Variants in PPP1R37 observed in about 807,000 individuals in gnomAD.
PPP1R37 encodes leucine rich repeat containing 68.
In PPP1R37, 21 loss-of-function variants were observed where a neutral mutation model predicts 61.0. The ratio of observed to expected loss-of-function variants is 0.34; its 90% CI spans 0.24 to 0.50. The LOEUF (loss-of-function observed/expected upper bound fraction) is 0.50, where lower values mean the gene tolerates loss of function less well. PPP1R37 is among the 20% of genes least tolerant of loss of function. The probability of loss-of-function intolerance (pLI) is 0.98; values close to 1 mark genes in which losing one functional copy is unlikely to be tolerated. For synonymous variants in PPP1R37, 443 were observed against 433.5 expected (o/e 1.02, Z -0.27); for missense variants, 910 against 952.7 (o/e 0.96, Z 0.59).
At chr19:45,127,689 T>C (rs1163596589) in intron 1 of PPP1R37, among the ~76,000 whole-genome samples, 1 of 151,864 alleles carries the variant, frequency 6.6e-6, no homozygotes, top group Non-Finnish European at 1.5e-5. Context: ...AAATGATCAA[T>C]GTTTGGGCCG....
At chr19:45,126,274 T>A (rs994270353) in intron 1 of PPP1R37, among the ~76,000 whole-genome samples, 5 of 152,206 alleles carry the variant, frequency 3.3e-5, no homozygotes, top group African/African-American at 1.2e-4. Context: ...TGGCAGCAAC[T>A]GTAACATACG....
intron 1 of PPP1R37, among the ~76,000 whole-genome samples, chr19:45,104,620 G>C (rs1023645083): frequency 7.9e-5 from 12 of 151,998 alleles, no homozygotes; most frequent in African/African-American, 2.9e-4. Context: ...CCACCTAGCA[G>C]CCACAGCATT....
At position 45,145,974 on chromosome 19, in the gene PPP1R37, G is replaced by A. The variant is rs931840664; in HGVS notation, c.1918G>A (p.Glu640Lys). The A allele has an allele frequency of 5.9e-6, 9 of 1,534,466 alleles. No homozygotes were observed. In the Admixed American group the frequency reaches 7.9e-5, roughly 13 times the overall value. The change falls in exon 11 of 13, where the codon GAG (glutamate) becomes AAG (lysine). Residue 640 changes from glutamate to lysine, a missense_variant. Transcript: ENST00000221462. The part of the protein sequence containing the change: ...GPPLPNGLKP[E>K]FALALPPEPP... ...ACCACTGCCCAACGGCCTGAAGCCC[G>A]AGTTCGCCCTGGCACTGCCCCCTGA...
chr19:45,124,412 C>CT (rs1273223508), intron 1 of PPP1R37, among the ~76,000 whole-genome samples: 6 of 151,970 alleles, frequency 3.9e-5, no homozygotes, highest in Admixed American at 2.0e-4. Flanking sequence ...TTTTTCTTTT[C>CT]TTTTTTTTCC....
intron 1 of PPP1R37, among the ~76,000 whole-genome samples, chr19:45,115,212 G>A (rs901145767): frequency 2.6e-5 from 4 of 152,152 alleles, no homozygotes; most frequent in African/African-American, 9.7e-5. Context: ...TGAGAGAAGG[G>A]TCTGGAAGGA....
intron 1 of PPP1R37, among the ~76,000 whole-genome samples, chr19:45,117,273 G>A (rs372463761): frequency 2.0e-5 from 3 of 152,138 alleles, no homozygotes; most frequent in Admixed American, 6.5e-5. Context: ...AGCTGCAGGA[G>A]GGGAGGGAAG....
chr19:45,130,197 C>T lies in PPP1R37; in HGVS notation c.203-8317C>T, dbSNP rs1968458158. On this transcript the variant is annotated intron_variant, in intron 1 of 12. Transcript: ENST00000221462. The surrounding 1 kb of genome is among the most constrained non-coding windows in gnomAD (Gnocchi z 4.4). ...GTGAGGCTGTCACCATCCAAGATGGCAATCTGGTGTGCCATTCCTGACTGC... is the reference window on the plus strand; with the variant it reads ...GTGAGGCTGTCACCATCCAAGATGGTAATCTGGTGTGCCATTCCTGACTGC... 6.6e-6 allele frequency among the ~76,000 whole-genome samples: 1 copy of T among 152,180 alleles called. No homozygotes were observed. Among genetic ancestry groups the T allele is most frequent in the African/African-American group, 2.4e-5 (1 of 41,448 alleles).
At chr19:45,143,205 G>A (rs1289371191) in intron 7 of PPP1R37, 4 of 270,360 alleles carry the variant, frequency 1.5e-5, no homozygotes, top group African/African-American at 4.5e-5. Context: ...CTGTCAGATG[G>A]TGGGATCTGC....
chr19:45,131,445 C>T (rs952953117), intron 1 of PPP1R37, among the ~76,000 whole-genome samples: 2 of 152,154 alleles, frequency 1.3e-5, no homozygotes, highest in African/African-American at 2.4e-5. Context: ...TCAAGACAGT[C>T]CTGGGGTGTG....
rs1568453123 is a variant in PPP1R37 at position 45,146,451 on chromosome 19, A to C, written c.2055A>C (p.Glu685Asp). ...AGCTGCTTCTGGAAGCCAGTCAGGA[A>C]TCCGGGCAGGAGACACTGTGACACT... Reference protein sequence around the residue: ...LEELLLEASQESGQETL With the variant: ...LEELLLEASQDSGQETL The change falls in exon 12 of 13, where the codon GAA (glutamate) becomes GAC (aspartate). Residue 685 changes from glutamate (E) to aspartate (D), a missense_variant. Around this residue, in one of 3 missense-constraint regions of PPP1R37, gnomAD observed 549 missense variants for 505.1 expected, o/e 1.09. Coordinates refer to ENST00000221462, the MANE Select transcript of PPP1R37 (RefSeq NM_019121.2). The C allele has an allele frequency of 2.6e-6, 4 of 1,535,718 alleles. No individual in the cohort carries two copies. Among genetic ancestry groups the C allele is most frequent in the Non-Finnish European group, 3.5e-6 (4 of 1,146,690 alleles).
intron 1 of PPP1R37, among the ~76,000 whole-genome samples, chr19:45,098,126 G>A (rs1968017067): frequency 6.6e-6 from 1 of 151,168 alleles, no homozygotes; most frequent in Non-Finnish European, 1.5e-5. Context: ...TGTGTAGATG[G>A]GCAGGGAAGC....
chr19:45,098,177 C>T (rs1470109239), intron 1 of PPP1R37, among the ~76,000 whole-genome samples: 3 of 152,220 alleles, frequency 2.0e-5, no homozygotes, highest in Admixed American at 6.5e-5. Context: ...TGAAAGAGGC[C>T]GCTTCAGCAC....
intron 1 of PPP1R37, among the ~76,000 whole-genome samples, chr19:45,118,753 C>T (rs1272154295): frequency 6.6e-6 from 1 of 152,138 alleles, no homozygotes; most frequent in Non-Finnish European, 1.5e-5. Context: ...GGGCATGAGG[C>T]CCAAGTTCCT....
At chr19:45,096,466 T>C (rs1048748970) in intron 1 of PPP1R37, among the ~76,000 whole-genome samples, 4 of 152,306 alleles carry the variant, frequency 2.6e-5, no homozygotes, top group East Asian at 1.9e-4. Flanking sequence ...CATGGGGTAG[T>C]TGTGAAGATG....
intron 1 of PPP1R37, among the ~76,000 whole-genome samples, chr19:45,103,537 A>G (rs926906927): frequency 8.7e-5 from 13 of 149,404 alleles, no homozygotes; most frequent in African/African-American, 3.2e-4. Flanking sequence ...TCAGCGATGT[A>G]GTGGAGAACT....
chr19:45,132,765 C>A (rs912275931), intron 1 of PPP1R37, among the ~76,000 whole-genome samples: 1 of 152,146 alleles, frequency 6.6e-6, no homozygotes, highest in Non-Finnish European at 1.5e-5. Context: ...GACAAGGTCT[C>A]CCTATGTTGC....
chr19:45,146,524 A>C, intron 12 of PPP1R37, 44 bp downstream of exon 12: 1 of 1,384,152 alleles, frequency 7.2e-7, no homozygotes, highest in Non-Finnish European at 9.9e-7. Flanking sequence ...AGGAGCTGAG[A>C]GAGCCTCTGG....
In PPP1R37 at chr19:45,115,126, C is replaced by T. The variant is rs372011106; in HGVS notation, c.202+21599C>T. ...AGTGGCAAGGCAAGCCCGGCCCTGCCTTCCAGGCTTATTGTCCAGAGAGAG... is the reference window on the plus strand; with the variant it reads ...AGTGGCAAGGCAAGCCCGGCCCTGCTTTCCAGGCTTATTGTCCAGAGAGAG... On this transcript the variant is annotated intron_variant, in intron 1 of 12. Transcript: ENST00000221462. Among the ~76,000 whole-genome samples the T allele has an allele frequency of 1.1e-3, 170 of 152,300 alleles. No homozygotes were observed. The South Asian group carries it at 0.023, about 21-fold the overall frequency.
In PPP1R37 at chr19:45,121,735, T is replaced by G. The variant is rs1968344887; in HGVS notation, c.203-16779T>G. Among the ~76,000 whole-genome samples, 1 of 152,190 alleles carries G rather than the reference T, an allele frequency of 6.6e-6. No homozygotes were observed. Among genetic ancestry groups the G allele is most frequent in the Non-Finnish European group, 1.5e-5 (1 of 68,016 alleles). On this transcript the variant is annotated intron_variant, in intron 1 of 12. Coordinates refer to ENST00000221462, the MANE Select transcript of PPP1R37 (RefSeq NM_019121.2). This position sits in a 1 kb window ranked among gnomAD's most constrained non-coding sequence, Gnocchi z 4.2. ...GTGCTGGGGCCTCCACGGGCGTCAT[T>G]CTGTGGTTGCTCCAGGATTGGACTT...
Sources: gnomAD v4.1 joint callset for allele counts (sites outside exome capture counted in the v4.1 genomes callset) on GRCh38, gnomAD v4.1.1 for gene constraint, gnomAD v4.1.1 regional missense constraint, Gnocchi (gnomAD v3.1) non-coding constraint, MANE v1.5 for transcripts, NCBI Gene and HGNC (gene_info 2026-07-23, HGNC 2026-07-21) for gene names.